ACADSB: variants seen among roughly 807,000 people sequenced by gnomAD.
The protein encoded by ACADSB is short/branched chain specific acyl-CoA dehydrogenase, mitochondrial.
In ACADSB, 40 loss-of-function variants were observed where a neutral mutation model predicts 54.1. The observed-to-expected ratio is 0.74, with a 90% CI of 0.57 to 0.96. The LOEUF is 0.96. ACADSB is among the 40% of genes least tolerant of loss of function. The pLI is 0.00. For synonymous variants in ACADSB, 182 were observed against 182.8 expected, an observed-to-expected ratio of 1.00 and a Z score of 0.03; for missense variants, 530 against 510.4, an observed-to-expected ratio of 1.04 and a Z score of -0.37.
At chr10:123,038,575 T>A (rs1179956343) in intron 3 of ACADSB, among the ~76,000 whole-genome samples, 1 of 152,220 alleles carries the variant, frequency 6.6e-6, no homozygotes, top group Admixed American at 6.5e-5. Flanking sequence ...CGCAGAGGTA[T>A]AAAATATATT....
intron 8 of ACADSB, among the ~76,000 whole-genome samples, chr10:123,048,846 A>G (rs994514826): frequency 3.3e-5 from 5 of 152,082 alleles, no homozygotes; most frequent in African/African-American, 1.2e-4. Context: ...CTCCTGCCTC[A>G]GGCTCCTGAG....
At chr10:123,021,866 A>T (rs1278005261) in intron 1 of ACADSB, among the ~76,000 whole-genome samples, 2 of 152,184 alleles carry the variant, frequency 1.3e-5, no homozygotes, top group Non-Finnish European at 2.9e-5. Context: ...TTTCTCCCAA[A>T]ATAGGGTCCT....
At position 123,055,508 on chromosome 10, in the gene ACADSB, C is replaced by T. The variant is rs958536266; in HGVS notation, c.*1743C>T. On this transcript the variant is annotated 3_prime_UTR_variant, in exon 11 of 11. Coordinates refer to ENST00000358776, the MANE Select transcript of ACADSB (RefSeq NM_001609.4). Reference sequence around the variant, plus strand: ...TTCTACCCCTGGCACCTCCAAATCTCATGTCCTCACATTTCAAAACCAATC... The same window carrying T: ...TTCTACCCCTGGCACCTCCAAATCTTATGTCCTCACATTTCAAAACCAATC... 5.3e-5 allele frequency: 8 copies of T among 152,214 alleles called. No individual in the cohort carries two copies. Among genetic ancestry groups the T allele is most frequent in the African/African-American group, 1.4e-4 (6 of 41,426 alleles). 9.4% of individuals were successfully genotyped at this position (152,214 alleles called of 1,614,324 possible).
chr10:123,036,309 A>T (rs1425773581), intron 2 of ACADSB, among the ~76,000 whole-genome samples: 1 of 152,016 alleles, frequency 6.6e-6, no homozygotes, highest in Non-Finnish European at 1.5e-5. Context: ...CTGGTCTCGA[A>T]CTCCTGACCT....
At position 123,053,044 on chromosome 10, in the gene ACADSB, G is replaced by T; in HGVS notation, c.1129-17G>T. 1 of 1,599,874 alleles carries T rather than the reference G, an allele frequency of 6.3e-7. No homozygotes were observed. The highest frequency in any genetic ancestry group is 8.6e-7 in the Non-Finnish European group (1 of 1,167,224). On this transcript the variant is annotated splice_polypyrimidine_tract_variant and intron_variant, in intron 9 of 10. Transcript: ENST00000358776. The stretch of plus-strand genomic sequence containing the variant: ...GTTATGTGGTTTCAGTGTGTGATTT[G>T]CACTTGCTTTTGGTAGATTGCAGGA...
chr10:123,028,283 G>A (rs1053045470), intron 1 of ACADSB, among the ~76,000 whole-genome samples: 3 of 152,100 alleles, frequency 2.0e-5, no homozygotes, highest in African/African-American at 7.2e-5. Flanking sequence ...CAGCAGTTAG[G>A]ATCTTATCCT....
intron 1 of ACADSB, among the ~76,000 whole-genome samples, chr10:123,023,135 AT>A (rs1480511027): frequency 6.6e-6 from 1 of 152,172 alleles, no homozygotes; most frequent in Non-Finnish European, 1.5e-5. Flanking sequence ...AATTACTCTC[AT>A]TTGTCAAAAC....
intron 1 of ACADSB, among the ~76,000 whole-genome samples, chr10:123,017,290 A>G (rs1850120046): frequency 6.6e-6 from 1 of 152,182 alleles, no homozygotes; most frequent in Non-Finnish European, 1.5e-5. Flanking sequence ...GTCACAATAA[A>G]GGCAAGCCCA....
chr10:123,034,947 C>CTTTTTTT (rs138763749), intron 2 of ACADSB, among the ~76,000 whole-genome samples: 1 of 149,516 alleles, frequency 6.7e-6, no homozygotes, highest in African/African-American at 2.5e-5. Context: ...TTCTTTCTTT[C>CTTTTTTT]TTTTTTTTCT....
In ACADSB at chr10:123,012,519, G is replaced by T. The variant is rs192427864; in HGVS notation, c.42+3448G>T. Among the ~76,000 whole-genome samples, 315 of 152,186 alleles carry T rather than the reference G, an allele frequency of 2.1e-3. 3 individuals carry two copies. Among genetic ancestry groups the T allele is most frequent in the Non-Finnish European group, 3.7e-3 (251 of 68,014 alleles). ...GGTGAGTGCTACAGTTCTTAAAGGCGGTGTGTCTGGAGTTTGTTCCTTCTG... is the reference window on the plus strand; with the variant it reads ...GGTGAGTGCTACAGTTCTTAAAGGCTGTGTGTCTGGAGTTTGTTCCTTCTG... On this transcript the variant is annotated intron_variant, in intron 1 of 10. Coordinates refer to ENST00000358776, the MANE Select transcript of ACADSB (RefSeq NM_001609.4).
At chr10:123,023,195 T>C (rs1312735640) in intron 1 of ACADSB, among the ~76,000 whole-genome samples, 1 of 152,184 alleles carries the variant, frequency 6.6e-6, no homozygotes, top group African/African-American at 2.4e-5. Flanking sequence ...TTTGGCTGGG[T>C]TTATAGTTTT....
chr10:123,045,131 G>GTATATATATATATA (rs759224009), intron 7 of ACADSB, among the ~76,000 whole-genome samples: 9 of 26,884 alleles, frequency 3.3e-4, no homozygotes, highest in Non-Finnish European at 5.2e-4. Context: ...TTTGTAGAGT[G>GTATATATATATATA]TATATATATA....
intron 1 of ACADSB, among the ~76,000 whole-genome samples, chr10:123,030,333 C>T (rs1048529817): frequency 2.0e-5 from 3 of 152,066 alleles, no homozygotes; most frequent in Non-Finnish European, 2.9e-5. Context: ...CAAGACCAGC[C>T]TGGCCAACAC....
intron 8 of ACADSB, among the ~76,000 whole-genome samples, chr10:123,049,309 A>C (rs753146532): frequency 6.6e-6 from 1 of 152,268 alleles, no homozygotes; most frequent in Non-Finnish European, 1.5e-5. Flanking sequence ...ATTAATTTCA[A>C]TTGTTTATTC....
chr10:123,034,307 G>T, intron 1 of ACADSB, 49 bp from the exon 2 acceptor site: 2 of 1,586,122 alleles, frequency 1.3e-6, no homozygotes, highest in South Asian at 2.2e-5. Flanking sequence ...CATTCCCAAA[G>T]AAAATGATAT....
rs1850498194 is a variant in ACADSB at position 123,043,175 on chromosome 10, G to T, written c.807+4G>T. 1.2e-6 allele frequency: 2 copies of T among 1,613,560 alleles called. No individual in the cohort carries two copies. Among genetic ancestry groups the T allele is most frequent in the Non-Finnish European group, 1.7e-6 (2 of 1,179,644 alleles). ...GTTAACATTCGAAAATGTCAAGGTG[G>T]GTATCGTAGACTAATCAGTAAAAGA... On this transcript the variant is annotated splice_donor_region_variant and intron_variant, in intron 6 of 10. Coordinates refer to ENST00000358776, the MANE Select transcript of ACADSB (RefSeq NM_001609.4).
intron 1 of ACADSB, among the ~76,000 whole-genome samples, chr10:123,011,371 G>A (rs187542806): frequency 9.2e-4 from 140 of 152,212 alleles, no homozygotes; most frequent in African/African-American, 3.1e-3. Context: ...TTGCAATGCT[G>A]ACCTTCAGCC....
chr10:123,029,668 G>A (rs941544078), intron 1 of ACADSB, among the ~76,000 whole-genome samples: 1 of 152,134 alleles, frequency 6.6e-6, no homozygotes, highest in Non-Finnish European at 1.5e-5. Context: ...ATATTCTGTT[G>A]CATCAATATA....
chr10:123,031,600 A>C (rs892142629), intron 1 of ACADSB, among the ~76,000 whole-genome samples: 4 of 152,212 alleles, frequency 2.6e-5, no homozygotes, highest in Non-Finnish European at 5.9e-5. Context: ...AGGCCAGGAA[A>C]AGAAAAGCTT....
Sources: gnomAD v4.1 joint callset for allele counts (sites outside exome capture counted in the v4.1 genomes callset) on GRCh38, gnomAD v4.1.1 for gene constraint, MANE v1.5 for transcripts, NCBI Gene and HGNC (gene_info 2026-07-23, HGNC 2026-07-21) for gene names.